SEC14L5: variants seen among roughly 807,000 people sequenced by gnomAD.
SEC14L5 encodes the protein SEC14 like lipid binding 5.
In SEC14L5, 96 loss-of-function variants were observed where a neutral mutation model predicts 84.6. The observed-to-expected ratio is 1.13, with a 90% CI of 0.96 to 1.34. The LOEUF (loss-of-function observed/expected upper bound fraction) is 1.34. Ranked by LOEUF, SEC14L5 falls within the 40% of genes most tolerant of loss-of-function variation. SEC14L5 has a pLI of 0.00. For missense variants in SEC14L5, 1,224 were observed against 942.5 expected (o/e 1.30, Z -3.91); for synonymous variants, 546 against 383.4 (o/e 1.42, Z -4.95).
chr16:4,982,979 T>C (rs35874188), intron 2 of SEC14L5, among the ~76,000 whole-genome samples: 10,600 of 152,148 alleles, frequency 0.07, 539 homozygotes, highest in Admixed American at 0.12. Context: ...AATAAACTCC[T>C]TAAACTACTC....
Position 5,003,581 on chromosome 16 carries a change from C to T in SEC14L5, c.1302+8C>T. ...CCCGTGCTCTGGACACTGGTAAGAGCTGGAGCCTGGGCCAGGACTCTCCCT... is the reference window on the plus strand; with the variant it reads ...CCCGTGCTCTGGACACTGGTAAGAGTTGGAGCCTGGGCCAGGACTCTCCCT... On this transcript the variant is annotated splice_region_variant and intron_variant, in intron 11 of 15. Transcript: ENST00000251170. The T allele has an allele frequency of 8.8e-7, 1 of 1,131,086 alleles. No individual in the cohort carries two copies. The allele number at this position is 1,131,086 out of a possible 1,614,324, so 70.1% of individuals were successfully genotyped here.
intron 15 of SEC14L5, among the ~76,000 whole-genome samples, chr16:5,013,292 A>C (rs534337583): frequency 6.6e-6 from 1 of 152,144 alleles, no homozygotes; most frequent in Admixed American, 6.6e-5. Flanking sequence ...GGCCTGGCCT[A>C]GGGTTGGGAG....
rs3815491 is a variant in SEC14L5, at chr16:5,005,940, C to T, written c.1329C>T (p.Thr443=). 1.1e-3 allele frequency: 1,781 copies of T among 1,605,440 alleles called. 20 individuals carry two copies. In the East Asian group the frequency reaches 0.024, roughly 22 times the overall value. Residue 443 remains threonine, a synonymous_variant, in exon 12 of 16, where the codon ACC becomes ACT. Transcript: ENST00000251170. ...TLISPFINEN[T]RRKFLIYSGS... ...TCAGCCCCTTCATCAATGAGAACAC[C>T]AGGCGGAAGTTCCTCATCTACAGTG...
intron 2 of SEC14L5, among the ~76,000 whole-genome samples, chr16:4,980,961 C>T (rs1252101751): frequency 2.6e-5 from 4 of 151,748 alleles, no homozygotes; most frequent in African/African-American, 9.7e-5. Flanking sequence ...GGCAGGGACA[C>T]GTCGATGTAT....
intron 6 of SEC14L5, among the ~76,000 whole-genome samples, chr16:4,992,337 G>A (rs774754444): frequency 2.0e-5 from 3 of 151,970 alleles, no homozygotes; most frequent in Non-Finnish European, 4.4e-5. Flanking sequence ...TGCAACCTCC[G>A]CCCCCCGGGT....
intron 8 of SEC14L5, among the ~76,000 whole-genome samples, chr16:4,997,389 C>T (rs778598051): frequency 5.9e-5 from 9 of 152,172 alleles, no homozygotes; most frequent in African/African-American, 1.7e-4. Context: ...CATGAGCCAC[C>T]GCACCCGGCC....
intron 2 of SEC14L5, among the ~76,000 whole-genome samples, chr16:4,975,109 G>A (rs1456659292): frequency 2.6e-5 from 4 of 152,100 alleles, no homozygotes; most frequent in Admixed American, 1.3e-4. Flanking sequence ...TCACTTATAA[G>A]TGAGAACATA....
chr16:4,992,165 AC>A, intron 6 of SEC14L5, 135 bp downstream of exon 6: 1 of 561,432 alleles, frequency 1.8e-6, no homozygotes, highest in East Asian at 3.1e-5. Flanking sequence ...TTGGAACGAC[AC>A]CGCCTCCTGC....
At chr16:5,003,777 A>G (rs993421451) in intron 11 of SEC14L5, among the ~76,000 whole-genome samples, 1 of 152,362 alleles carries the variant, frequency 6.6e-6, no homozygotes, top group East Asian at 1.9e-4. Context: ...AGCAATTGTC[A>G]CCACTAGCCA....
rs1955858220 is a variant in SEC14L5 at position 5,015,036 on chromosome 16, C to T, written c.*66C>T. 1.6e-6 allele frequency: 2 copies of T among 1,252,572 alleles called. No homozygotes were observed. Among genetic ancestry groups the T allele is most frequent in the South Asian group, 2.5e-5 (2 of 80,692 alleles). The allele number at this position is 1,252,572 out of a possible 1,614,324, so 77.6% of individuals were successfully genotyped here. On this transcript the variant is annotated 3_prime_UTR_variant, in exon 16 of 16. Coordinates refer to ENST00000251170, the MANE Select transcript of SEC14L5 (RefSeq NM_014692.2). ...TCCAGAAATGTCCAGAATGAGAAGCCAGCTAACTGCAGGGCCTGGGACCAT... is the reference window on the plus strand; with the variant it reads ...TCCAGAAATGTCCAGAATGAGAAGCTAGCTAACTGCAGGGCCTGGGACCAT...
In SEC14L5 at chr16:4,996,406, G is replaced by C; in HGVS notation, c.726G>C (p.Gln242His). ...ERCLGHLTPM[Q>H]ESCLIQLRHW... ...GCCTGGGCCACCTCACGCCCATGCA[G>C]GAGAGCTGCCTGATCCAGCTTCGGC... The change falls in exon 7 of 16, where the codon CAG becomes CAC. Residue 242 changes from glutamine to histidine, a missense_variant. Coordinates refer to ENST00000251170, the MANE Select transcript of SEC14L5 (RefSeq NM_014692.2). 1 of 1,574,466 alleles carries C rather than the reference G, an allele frequency of 6.4e-7. No homozygotes were observed. The highest frequency in any genetic ancestry group is 1.4e-5 in the African/African-American group (1 of 73,964).
intron 11 of SEC14L5, among the ~76,000 whole-genome samples, chr16:5,004,004 A>C (rs1022468976): frequency 2.0e-5 from 3 of 152,230 alleles, no homozygotes; most frequent in African/African-American, 4.8e-5. Context: ...ACCCACGCCC[A>C]CACACACACT....
chr16:4,971,586 A>C (rs537442260), intron 2 of SEC14L5, among the ~76,000 whole-genome samples: 1 of 152,006 alleles, frequency 6.6e-6, no homozygotes, highest in Non-Finnish European at 1.5e-5. Context: ...ACTGAGGGGG[A>C]GTTACTCATT....
intron 2 of SEC14L5, among the ~76,000 whole-genome samples, chr16:4,962,270 AT>A (rs558017445): frequency 2.7e-4 from 41 of 152,290 alleles, no homozygotes; most frequent in Admixed American, 9.8e-4. Context: ...TGTATTGGGT[AT>A]GTTAAACATA....
At chr16:5,014,696 C>G (rs549232996) in intron 15 of SEC14L5, among the ~76,000 whole-genome samples, 163 bp from the exon 16 acceptor site, 1 of 152,196 alleles carries the variant, frequency 6.6e-6, no homozygotes, top group African/African-American at 2.4e-5. Context: ...GTGGGGAATT[C>G]GGTAGTGCTT....
At chr16:4,977,952 C>T (rs986668149) in intron 2 of SEC14L5, among the ~76,000 whole-genome samples, 3 of 150,360 alleles carry the variant, frequency 2.0e-5, no homozygotes, top group East Asian at 4.0e-4. Context: ...AGGTGCGCAC[C>T]ACCACGCCTG....
intron 2 of SEC14L5, among the ~76,000 whole-genome samples, chr16:4,966,034 C>A (rs1955196352): frequency 6.6e-6 from 1 of 151,632 alleles, no homozygotes; most frequent in Non-Finnish European, 1.5e-5. Context: ...AGAGTGAGAC[C>A]CTGCCTCAAA....
At position 5,007,379 on chromosome 16, in the gene SEC14L5, C is replaced by T. The variant is rs760561073; in HGVS notation, c.1465C>T (p.Pro489Ser). Residue 489 changes from proline (P) to serine (S), a missense_variant, in exon 13 of 16, where the codon CCC becomes TCC. By Grantham distance (74) the Pro-to-Ser change is moderately conservative (BLOSUM62 -1). Transcript: ENST00000251170. ...VCNVPEGGLV[P>S]KSLYMTEEEQ... ...TAATGTCCCCGAAGGAGGGCTGGTC[C>T]CCAAGTCCCTCTACATGACAGAAGA... 1.4e-5 allele frequency: 23 copies of T among 1,613,692 alleles called. No homozygotes were observed. In the Middle Eastern group the frequency reaches 6.6e-4, roughly 46 times the overall value.
chr16:5,010,188 C>CAAAAAAA (rs59942135), intron 14 of SEC14L5, among the ~76,000 whole-genome samples: 11 of 43,646 alleles, frequency 2.5e-4, no homozygotes, highest in African/African-American at 5.1e-4. Flanking sequence ...ACTAAAAATA[C>CAAAAAAA]AAAAAAAAAA....
Sources: allele counts gnomAD v4.1 joint callset (sites outside exome capture counted in the v4.1 genomes callset), GRCh38; gene constraint gnomAD v4.1.1; transcripts MANE v1.5; gene names NCBI Gene and HGNC (gene_info 2026-07-23, HGNC 2026-07-21).